The following CLIC5 variants were observed in gnomAD, a reference collection of about 807,000 sequenced individuals.
CLIC5 encodes CLIC family member 5, also known as chloride intracellular channel protein 5.
A neutral mutation model predicts 24.7 loss-of-function variants in CLIC5; 20 were observed. That is an observed-to-expected ratio of 0.81 (90% CI 0.57 to 1.18). The LOEUF is 1.18. Ranked by LOEUF, CLIC5 falls within the 50% of genes most tolerant of loss-of-function variation. CLIC5 has a pLI of 0.00. For synonymous variants in CLIC5, 159 were observed against 135.6 expected (o/e 1.17, Z -1.20); for missense variants, 341 against 326.1 (o/e 1.05, Z -0.35).
At chr6:46,015,358 G>C in intron 1 of CLIC5, 122 bp downstream of exon 1, 1 of 999,122 alleles carries the variant, frequency 1.0e-6, no homozygotes, top group Non-Finnish European at 1.4e-6. Context: ...AAGGCCACGG[G>C]GGAGCACAGG....
chr6:45,962,063 T>TACAC (rs74732121), intron 1 of CLIC5, among the ~76,000 whole-genome samples: 3,647 of 145,500 alleles, frequency 0.025, 86 homozygotes, highest in African/African-American at 0.063. Flanking sequence ...TATATGTACA[T>TACAC]ACACACACAC....
At chr6:45,969,818 T>TC (rs1210520546) in intron 1 of CLIC5, among the ~76,000 whole-genome samples, 4 of 151,102 alleles carry the variant, frequency 2.6e-5, no homozygotes, top group Non-Finnish European at 5.9e-5. Flanking sequence ...TTTTTTTTTT[T>TC]TAATCGTGGA....
intron 6 of CLIC5, among the ~76,000 whole-genome samples, chr6:45,890,943 G>C (rs751006913): frequency 6.6e-6 from 1 of 152,064 alleles, no homozygotes. Context: ...CAGGGAAGGG[G>C]GAGACATTGA....
chr6:46,100,678 A>C, the CLIC5 span, among the ~76,000 whole-genome samples: 5 of 152,332 alleles, frequency 3.3e-5, no homozygotes, highest in Admixed American at 3.3e-4. Context: ...GAAATACATA[A>C]ATATAGTCAT....
At chr6:45,970,604 CA>C (rs1581806229) in intron 1 of CLIC5, among the ~76,000 whole-genome samples, 2 of 152,188 alleles carry the variant, frequency 1.3e-5, no homozygotes, top group Non-Finnish European at 2.9e-5. Context: ...CAGGAAGCCA[CA>C]ACCTGAGATG....
the CLIC5 span, among the ~76,000 whole-genome samples, chr6:46,124,455 C>A: frequency 1.3e-5 from 2 of 152,160 alleles, no homozygotes; most frequent in African/African-American, 4.8e-5. Flanking sequence ...AAATGTTAGT[C>A]CTAAAACCAT....
chr6:45,990,626 A>T (rs1207757514), intron 1 of CLIC5, among the ~76,000 whole-genome samples: 1 of 152,238 alleles, frequency 6.6e-6, no homozygotes, highest in Non-Finnish European at 1.5e-5. Context: ...TTACATAGTA[A>T]GGGTGTTCAT....
At chr6:45,912,528 A>G in intron 5 of CLIC5, 1 of 1,373,870 alleles carries the variant, frequency 7.3e-7, no homozygotes, top group Non-Finnish European at 9.5e-7. Flanking sequence ...AGAAGAAAGG[A>G]AAAGAAGGCA....
intron 1 of CLIC5, among the ~76,000 whole-genome samples, chr6:46,003,332 C>T (rs2127434697): frequency 6.6e-6 from 1 of 152,290 alleles, no homozygotes; most frequent in South Asian, 2.1e-4. Context: ...CTCACCTACC[C>T]TTTTCCCTCT....
At chr6:45,927,541 C>T (rs911938570) in intron 4 of CLIC5, among the ~76,000 whole-genome samples, 6 of 152,164 alleles carry the variant, frequency 3.9e-5, no homozygotes, top group Admixed American at 1.3e-4. Context: ...AAAGACAAAA[C>T]GTATCTTGCC....
chr6:45,919,634 T>C (rs1025281690), intron 4 of CLIC5, among the ~76,000 whole-genome samples: 1 of 152,212 alleles, frequency 6.6e-6, no homozygotes, highest in African/African-American at 2.4e-5. Context: ...AGTACAACTG[T>C]TTCTACTCTG....
chr6:45,896,239 G>T (rs930598872), downstream of CLIC5, among the ~76,000 whole-genome samples: 1 of 152,138 alleles, frequency 6.6e-6, no homozygotes, highest in Non-Finnish European at 1.5e-5. Context: ...TGTATTTTCT[G>T]GTTATTGGCT....
Position 45,903,196 on chromosome 6 carries a change from C to T in CLIC5, c.648G>A (p.Arg216=). The change falls in exon 6 of 6, where the codon CGG becomes CGA. Residue 216 remains arginine (R), a synonymous_variant. Transcript: ENST00000339561. ...DIPAEMTGLW[R]YLKNAYARDE... is the part of the protein sequence containing the mutation. The stretch of plus-strand genomic sequence containing the variant: ...CACGGGCATAGGCGTTCTTGAGGTA[C>T]CGCCACAGGCCTGTCATCTCAGCCG... 6.2e-7 allele frequency: 1 copy of T among 1,612,410 alleles called. No individual in the cohort carries two copies. Among genetic ancestry groups the T allele is most frequent in the Middle Eastern group, 1.7e-4 (1 of 6,036 alleles).
chr6:45,906,564 C>CTTTTT (rs35362216), intron 5 of CLIC5, among the ~76,000 whole-genome samples: 293 of 141,684 alleles, frequency 2.1e-3, no homozygotes, highest in African/African-American at 7.0e-3. Context: ...TGTACATTGA[C>CTTTTT]TTTTTTTTTT....
At chr6:46,108,208 T>G in the CLIC5 span, among the ~76,000 whole-genome samples, 6 of 152,116 alleles carry the variant, frequency 3.9e-5, no homozygotes, top group African/African-American at 1.2e-4. Flanking sequence ...TTGTTAGCAT[T>G]AATAATACAC....
intron 1 of CLIC5, among the ~76,000 whole-genome samples, chr6:46,036,654 G>A (rs1370503616): frequency 1.3e-5 from 2 of 152,116 alleles, no homozygotes; most frequent in Non-Finnish European, 2.9e-5. Context: ...ACAGTTATTT[G>A]TATTTATTCA....
At chr6:45,953,890 G>C (rs1936156184) in intron 2 of CLIC5, among the ~76,000 whole-genome samples, 1 of 152,094 alleles carries the variant, frequency 6.6e-6, no homozygotes, top group South Asian at 2.1e-4. Context: ...TGGAGGAAGA[G>C]AGAGTGCAAT....
chr6:46,080,681 A>G (rs1056050488), upstream of CLIC5, among the ~76,000 whole-genome samples: 31 of 152,324 alleles, frequency 2.0e-4, no homozygotes, highest in African/African-American at 7.0e-4. Context: ...AATTCAGTGG[A>G]GAGCTACAAT....
intron 1 of CLIC5, among the ~76,000 whole-genome samples, chr6:46,005,739 T>C (rs538172536): frequency 5.3e-5 from 8 of 152,008 alleles, no homozygotes; most frequent in Admixed American, 5.2e-4. Flanking sequence ...CAAATGGGAT[T>C]AGTGTTCTCA....
Sources: gnomAD v4.1 joint callset for allele counts (sites outside exome capture counted in the v4.1 genomes callset) on GRCh38, gnomAD v4.1.1 for gene constraint, MANE v1.5 for transcripts, NCBI Gene and HGNC (gene_info 2026-07-23, HGNC 2026-07-21) for gene names.